PITPNM2: variants seen among roughly 807,000 people sequenced by gnomAD.
The protein encoded by PITPNM2 is membrane-associated phosphatidylinositol transfer protein 2.
Under a neutral mutation model 132.2 loss-of-function variants are expected in PITPNM2, and 35 were observed. The observed-to-expected ratio is 0.26, with a 90% CI of 0.20 to 0.35. The LOEUF is 0.35. Ranked by LOEUF, PITPNM2 falls within the 10% of genes least tolerant of loss-of-function variation. PITPNM2 has a pLI of 1.00. For synonymous variants in PITPNM2, 738 were observed against 799.2 expected, an observed-to-expected ratio of 0.92 and a Z score of 1.29; for missense variants, 1,332 against 1,912.0, an observed-to-expected ratio of 0.70 and a Z score of 5.66.
rs139048311 is a variant in PITPNM2 at position 123,101,781 on chromosome 12, G to A, written c.-96+8604C>T. ...GAGTTCTAAAACCCACCACCAGTCC[G>A]GCATGGTGGCTCATGCCTGTAATTC... is the stretch of plus-strand genomic sequence containing the variant. On this transcript the variant is annotated intron_variant, in intron 2 of 25. Transcript: ENST00000320201. 1.6e-3 allele frequency among the ~76,000 whole-genome samples: 245 copies of A among 152,248 alleles called. 3 individuals are homozygous for A. The highest frequency in any genetic ancestry group is 3.4e-3 in the Middle Eastern group (1 of 294).
chr12:122,986,183 C>A lies in PITPNM2; in HGVS notation c.3894G>T (p.Ser1298=). ...GGTGGCTGGGCCCGCTGGGCTGGGC[C>A]GAGATGGTGCGAAGCAGGTGGTTCC... ...RSRNHLLRTI[S]AQPSGPSHRH... is the part of the protein sequence containing the mutation. Residue 1298 remains serine (S), a synonymous_variant, in exon 26 of 26, where the codon TCG becomes TCT. Transcript: ENST00000320201. The A allele has an allele frequency of 6.5e-7, 1 of 1,547,780 alleles. No homozygotes were observed.
rs2041983638 is a variant in PITPNM2 at position 123,082,169 on chromosome 12, C to A, written c.-96+28216G>T. The stretch of plus-strand genomic sequence containing the variant: ...GGGCCTGCAGGCTCTGCCCTGCCAC[C>A]TCTCCGCCCTGGCAAGGCCGTGGGC... On this transcript the variant is annotated intron_variant, in intron 2 of 25. Coordinates refer to ENST00000320201, the MANE Select transcript of PITPNM2 (RefSeq NM_020845.3). The surrounding 1 kb of genome is among the most constrained non-coding windows in gnomAD (Gnocchi z 5.4). 6.6e-6 allele frequency among the ~76,000 whole-genome samples: 1 copy of A among 152,218 alleles called. No homozygotes were observed. The highest frequency in any genetic ancestry group is 2.4e-5 in the African/African-American group (1 of 41,462).
intron 2 of PITPNM2, among the ~76,000 whole-genome samples, chr12:123,038,551 G>A (rs2136503403): frequency 6.6e-6 from 1 of 152,386 alleles, no homozygotes; most frequent in East Asian, 1.9e-4. Context: ...CTCAGGAAAG[G>A]CTTCATGGAA....
intron 1 of PITPNM2, among the ~76,000 whole-genome samples, chr12:123,116,745 C>G (rs941434825): frequency 1.3e-5 from 2 of 151,942 alleles, no homozygotes; most frequent in Admixed American, 6.6e-5. Flanking sequence ...GAAGCTGAAG[C>G]CAGGTAAGAA....
rs2039294658 is a variant in PITPNM2, at chr12:123,013,445, C to A, written c.293+383G>T. On this transcript the variant is annotated intron_variant, in intron 4 of 25. Transcript: ENST00000320201. ...CTGAAGGTCTCAGAGTTGGAAGGGA[C>A]TTCTGGGTCATCTGTTCTACCCTCA... 2.0e-5 allele frequency among the ~76,000 whole-genome samples: 3 copies of A among 152,246 alleles called. No individual in the cohort carries two copies. The South Asian group carries it at 6.2e-4, about 31-fold the overall frequency.
intron 13 of PITPNM2, among the ~76,000 whole-genome samples, 154 bp downstream of exon 13, chr12:122,996,304 T>C (rs1406095306): frequency 6.6e-6 from 1 of 152,122 alleles, no homozygotes; most frequent in Non-Finnish European, 1.5e-5. Flanking sequence ...CTTAACTGGG[T>C]AGAGTCCAAG....
At chr12:123,072,652 C>T (rs1483435197) in intron 2 of PITPNM2, among the ~76,000 whole-genome samples, 1 of 152,200 alleles carries the variant, frequency 6.6e-6, no homozygotes. Context: ...CTCTCAGACT[C>T]CAGGCCTAGT....
At position 123,004,300 on chromosome 12, in the gene PITPNM2, C is replaced by G. The variant is rs61955215; in HGVS notation, c.1048+94G>C. ...GATATAGAATAGTAACAGGCAACAC[C>G]CGCATCAGTCCACACCCACACCCTA... On this transcript the variant is annotated intron_variant, in intron 8 of 25. Coordinates refer to ENST00000320201, the MANE Select transcript of PITPNM2 (RefSeq NM_020845.3). This position sits in a 1 kb window ranked among gnomAD's most constrained non-coding sequence, Gnocchi z 4.9. 1 of 1,160,058 alleles carries G rather than the reference C, an allele frequency of 8.6e-7. No individual in the cohort carries two copies. The highest frequency in any genetic ancestry group is 1.3e-6 in the Non-Finnish European group (1 of 785,146). 71.9% of individuals were successfully genotyped at this position (1,160,058 alleles called of 1,614,324 possible). A position where few individuals can be genotyped will look rare whatever the true frequency, so the allele number is the denominator to read the frequency against.
chr12:123,098,752 CG>C (rs2137199806), intron 2 of PITPNM2, among the ~76,000 whole-genome samples: 1 of 152,126 alleles, frequency 6.6e-6, no homozygotes, highest in South Asian at 2.1e-4. Context: ...GTGAGTCCCC[CG>C]AATCCCACGG....
chr12:122,989,887 G>T lies in PITPNM2; in HGVS notation c.2631C>A (p.Pro877=). Residue 877 remains proline, a synonymous_variant, in exon 18 of 26, where the codon CCC becomes CCA. Transcript: ENST00000320201. ...GGCCAGGGGTGGTGGGGCTGGGGGC[G>T]GGCAGGGCGAGCAGGGACAGACGCC... ...SVRRLSLLAL[P]APSPTTPGPH... is the part of the protein sequence containing the mutation. 1 of 1,328,082 alleles carries T rather than the reference G, an allele frequency of 7.5e-7. No individual in the cohort carries two copies. The highest frequency in any genetic ancestry group is 9.7e-7 in the Non-Finnish European group (1 of 1,034,946). The allele number at this position is 1,328,082 out of a possible 1,614,324, so 82.3% of individuals were successfully genotyped here. A position where few individuals can be genotyped will look rare whatever the true frequency, so the allele number is the denominator to read the frequency against.
chr12:123,143,312 G>A (rs1301918907), intron 1 of PITPNM2, among the ~76,000 whole-genome samples: 1 of 152,166 alleles, frequency 6.6e-6, no homozygotes, highest in Non-Finnish European at 1.5e-5. Context: ...GACAACAGAA[G>A]CAAAGTGCAC....
chr12:123,001,995 C>T (rs2038706200), intron 8 of PITPNM2, among the ~76,000 whole-genome samples: 1 of 150,658 alleles, frequency 6.6e-6, no homozygotes, highest in Non-Finnish European at 1.5e-5. Flanking sequence ...GGTGCCGTTG[C>T]ACTCCAGACT....
rs541101088 is a variant in PITPNM2, at chr12:123,125,795, T to C, written c.-199-15307A>G. Among the ~76,000 whole-genome samples the C allele has an allele frequency of 2.2e-5, 3 of 133,544 alleles. No individual in the cohort carries two copies. In the East Asian group the frequency reaches 7.1e-4, roughly 31 times the overall value. The allele number at this position is 133,544 out of a possible 152,430, so 87.6% of individuals were successfully genotyped here. On this transcript the variant is annotated intron_variant, in intron 1 of 25. Coordinates refer to ENST00000320201, the MANE Select transcript of PITPNM2 (RefSeq NM_020845.3). ...AGGCCGAGGTTGCAGTGAGCCGAGA[T>C]TACTCCACTGTACTCCAGCCTGGGC...
At chr12:123,069,511 G>C (rs2136887846) in intron 2 of PITPNM2, among the ~76,000 whole-genome samples, 1 of 152,248 alleles carries the variant, frequency 6.6e-6, no homozygotes, top group East Asian at 1.9e-4. Context: ...GGCTTGCTGG[G>C]GTCCCTATAG....
chr12:123,051,166 T>C (rs919242568), intron 2 of PITPNM2, among the ~76,000 whole-genome samples: 3 of 152,324 alleles, frequency 2.0e-5, no homozygotes, highest in East Asian at 1.9e-4. Flanking sequence ...AAACTTCTCA[T>C]TGATACCCCT....
At chr12:123,120,033 T>A (rs1210270871) in intron 1 of PITPNM2, among the ~76,000 whole-genome samples, 3 of 152,170 alleles carry the variant, frequency 2.0e-5, no homozygotes, top group African/African-American at 7.2e-5. Context: ...GGGAAACTCA[T>A]CACAGGTGCC....
intron 1 of PITPNM2, among the ~76,000 whole-genome samples, chr12:123,121,063 C>T (rs2043023476): frequency 6.6e-6 from 1 of 152,248 alleles, no homozygotes; most frequent in African/African-American, 2.4e-5. Context: ...CCAGCCCAGG[C>T]TCCTTCTCTG....
chr12:123,032,937 G>A (rs913707660), intron 3 of PITPNM2, among the ~76,000 whole-genome samples: 6 of 152,218 alleles, frequency 3.9e-5, no homozygotes. Context: ...ACATAGGGGA[G>A]CCTGGACAAA....
chr12:123,067,514 G>T (rs1385156406), intron 2 of PITPNM2, among the ~76,000 whole-genome samples: 1 of 151,646 alleles, frequency 6.6e-6, no homozygotes, highest in Non-Finnish European at 1.5e-5. Context: ...AGAAGAAGAG[G>T]AGAGGACACA....
Sources: allele counts gnomAD v4.1 joint callset (sites outside exome capture counted in the v4.1 genomes callset), GRCh38; gene constraint gnomAD v4.1.1; non-coding constraint Gnocchi (gnomAD v3.1); transcripts MANE v1.5; gene names NCBI Gene and HGNC (gene_info 2026-07-23, HGNC 2026-07-21).